OSBPL11: variants seen among roughly 807,000 people sequenced by gnomAD.
OSBPL11 encodes the protein oxysterol-binding protein-related protein 11.
OSBPL11 carries 33 observed loss-of-function variants against 84.4 expected under a neutral mutation model. The ratio of observed to expected loss-of-function variants is 0.39; its 90% CI spans 0.30 to 0.52. The LOEUF is 0.52. OSBPL11 is among the 20% of genes least tolerant of loss of function. The probability of loss-of-function intolerance (pLI) is 0.72; values close to 1 mark genes in which losing one functional copy is unlikely to be tolerated. For synonymous variants in OSBPL11, 276 were observed against 310.2 expected (o/e 0.89, Z 1.16); for missense variants, 736 against 901.1 (o/e 0.82, Z 2.35).
intron 8 of OSBPL11, among the ~76,000 whole-genome samples, chr3:125,557,789 T>C (rs1936012964): frequency 7.2e-6 from 1 of 138,942 alleles, no homozygotes; most frequent in Non-Finnish European, 1.5e-5. Context: ...ACATACAACT[T>C]TCTTTTTTTT....
In OSBPL11 at chr3:125,543,680, C is replaced by T. The variant is rs377090473; in HGVS notation, c.1841+3726G>A. On this transcript the variant is annotated intron_variant, in intron 10 of 12. Transcript: ENST00000296220. ...CTTTGAGAGGCCAAGGTGGGCAGAT[C>T]ACTTGAGGTCAGGAGTTCAAGACCA... Among the ~76,000 whole-genome samples, 7 of 152,044 alleles carry T rather than the reference C, an allele frequency of 4.6e-5. No individual in the cohort carries two copies. In the East Asian group the frequency reaches 1.4e-3, roughly 30 times the overall value.
chr3:125,559,925 G>A (rs1367305310), intron 8 of OSBPL11, among the ~76,000 whole-genome samples: 1 of 149,890 alleles, frequency 6.7e-6, no homozygotes, highest in Non-Finnish European at 1.5e-5. Flanking sequence ...ATACTGATCA[G>A]GAGACTAAAA....
At position 125,579,139 on chromosome 3, in the gene OSBPL11, T is replaced by A. The variant is rs1000794070; in HGVS notation, c.410-100A>T. On this transcript the variant is annotated intron_variant, in intron 3 of 12. Coordinates refer to ENST00000296220, the MANE Select transcript of OSBPL11 (RefSeq NM_022776.5). ...CAGATCACTGAAAAGCAGATACTGG[T>A]CTTACTCTCACTAGAGCAAACTTCC... 24 of 831,110 alleles carry A rather than the reference T, an allele frequency of 2.9e-5. No homozygotes were observed. In the Admixed American group the frequency reaches 3.2e-4, roughly 11 times the overall value. The allele number at this position is 831,110 out of a possible 1,614,324, so 51.5% of individuals were successfully genotyped here.
intron 2 of OSBPL11, among the ~76,000 whole-genome samples, chr3:125,582,276 A>C (rs1325613643): frequency 1.3e-5 from 2 of 151,984 alleles, no homozygotes; most frequent in Admixed American, 1.3e-4. Flanking sequence ...CAGAGGTTAC[A>C]GTGAGCCGAG....
At chr3:125,558,116 A>G (rs944125669) in intron 8 of OSBPL11, among the ~76,000 whole-genome samples, 17 of 152,198 alleles carry the variant, frequency 1.1e-4, no homozygotes, top group African/African-American at 3.9e-4. Context: ...TTAATCAACA[A>G]GGTACAAATG....
chr3:125,578,391 T>C (rs1936364171), intron 4 of OSBPL11, among the ~76,000 whole-genome samples: 1 of 152,138 alleles, frequency 6.6e-6, no homozygotes, highest in Non-Finnish European at 1.5e-5. Context: ...GAGTGACTGC[T>C]AGTGGCTCCG....
rs761732235 is a variant in OSBPL11 at position 125,594,737 on chromosome 3, G to A, written c.64C>T (p.Gln22Ter). The change falls in exon 1 of 13, where the codon CAG becomes TAG. Residue 22 changes from glutamine (Q) to a stop codon, truncating the protein, a stop_gained. Coordinates refer to ENST00000296220, the MANE Select transcript of OSBPL11 (RefSeq NM_022776.5). LOFTEE classifies it high-confidence loss of function. ...VSESEGKLEG[Q>*]ATAVTPNKNS... ...TTGTTCGGGGTCACCGCTGTGGCCT[G>A]GCCCTCCAGCTTTCCTTCGCTCTCC... 1.2e-6 allele frequency: 2 copies of A among 1,614,184 alleles called. No homozygotes were observed. Among genetic ancestry groups the A allele is most frequent in the South Asian group, 1.1e-5 (1 of 91,084 alleles).
intron 10 of OSBPL11, among the ~76,000 whole-genome samples, chr3:125,540,328 CAAAAAAAAAAAAAAA>C (rs201858368): frequency 1.9e-3 from 158 of 85,328 alleles, no homozygotes; most frequent in Admixed American, 2.4e-3. Flanking sequence ...GGCTCTGTCT[CAAAAAAAAAAAAAAA>C]AAAAAAAAAA....
rs1420514808 is a variant in OSBPL11, at chr3:125,529,420, CGTT to C, written c.*1092_*1094del. ...TTTTTTTCCTGATACCTTTTCATTTCGTTGTTTCTTTAGCATTTAAATTTCCTC... is the reference window on the plus strand; with the variant it reads ...TTTTTTTCCTGATACCTTTTCATTTCGTTTCTTTAGCATTTAAATTTCCTC... On this transcript the variant is annotated 3_prime_UTR_variant, in exon 13 of 13. Transcript: ENST00000296220. 1 of 148,880 alleles carries C rather than the reference CGTT, an allele frequency of 6.7e-6. No homozygotes were observed. Among genetic ancestry groups the C allele is most frequent in the Non-Finnish European group, 1.5e-5 (1 of 67,634 alleles). The allele number at this position is 148,880 out of a possible 1,614,324, so 9.2% of individuals were successfully genotyped here.
Position 125,547,540 on chromosome 3 carries a change from A to G in OSBPL11, c.1707T>C (p.Cys569=). ...CAGTCAAAATTGACCGAGCATATGC[A>G]CAGGGTAGAGAAAATGTGTACTCTT... ...HGEEYTFSLP[C]AYARSILTVP... is the part of the protein sequence containing the mutation. The change falls in exon 10 of 13, where the codon TGT becomes TGC. Residue 569 remains cysteine, a synonymous_variant. Coordinates refer to ENST00000296220, the MANE Select transcript of OSBPL11 (RefSeq NM_022776.5). 1 of 1,613,846 alleles carries G rather than the reference A, an allele frequency of 6.2e-7. No individual in the cohort carries two copies. The highest frequency in any genetic ancestry group is 8.5e-7 in the Non-Finnish European group (1 of 1,179,750).
At chr3:125,554,697 A>G (rs1433221733) in intron 8 of OSBPL11, among the ~76,000 whole-genome samples, 1 of 152,124 alleles carries the variant, frequency 6.6e-6, no homozygotes, top group South Asian at 2.1e-4. Flanking sequence ...ATATACATAC[A>G]AGAATGCTTT....
intron 1 of OSBPL11, among the ~76,000 whole-genome samples, chr3:125,589,178 G>A (rs756363181): frequency 1.3e-5 from 2 of 151,820 alleles, no homozygotes; most frequent in Admixed American, 6.6e-5. Context: ...GTGGAACCCC[G>A]TCTCTACCAA....
At chr3:125,559,250 C>T (rs1223796301) in intron 8 of OSBPL11, among the ~76,000 whole-genome samples, 1 of 152,126 alleles carries the variant, frequency 6.6e-6, no homozygotes, top group Non-Finnish European at 1.5e-5. Context: ...AGTGTCAATG[C>T]TTTTCATAGT....
At chr3:125,540,328 C>CAAAAAAAAAAAAAA (rs201858368) in intron 10 of OSBPL11, among the ~76,000 whole-genome samples, 23 of 85,334 alleles carry the variant, frequency 2.7e-4, no homozygotes, top group Non-Finnish European at 4.3e-4. Flanking sequence ...GGCTCTGTCT[C>CAAAAAAAAAAAAAA]AAAAAAAAAA....
intron 8 of OSBPL11, 36 bp from the exon 9 acceptor site, chr3:125,552,715 T>C: frequency 6.3e-7 from 1 of 1,586,548 alleles, no homozygotes; most frequent in Non-Finnish European, 8.6e-7. Flanking sequence ...GGAAATTTAA[T>C]CCATGTGTAG....
intron 5 of OSBPL11, among the ~76,000 whole-genome samples, chr3:125,569,938 G>T (rs1217665485): frequency 6.6e-6 from 1 of 152,162 alleles, no homozygotes; most frequent in African/African-American, 2.4e-5. Flanking sequence ...TGGCCCTAGG[G>T]TGCTCGTAAC....
At chr3:125,543,664 G>A (rs1410513206) in intron 10 of OSBPL11, among the ~76,000 whole-genome samples, 2 of 152,180 alleles carry the variant, frequency 1.3e-5, no homozygotes, top group South Asian at 4.1e-4. Context: ...ACTTTGAGAG[G>A]CCAAGGTGGG....
chr3:125,534,151 T>C lies in OSBPL11; in HGVS notation c.2025-2137A>G, dbSNP rs555082867. ...ATTCTAGCACTTTGGGAGGCCGACG[T>C]GAGTGGATCACTTGAGGTCAGGAGT... On this transcript the variant is annotated intron_variant, in intron 11 of 12. Coordinates refer to ENST00000296220, the MANE Select transcript of OSBPL11 (RefSeq NM_022776.5). Among the ~76,000 whole-genome samples, 3 of 152,154 alleles carry C rather than the reference T, an allele frequency of 2.0e-5. No individual in the cohort carries two copies. In the South Asian group the frequency reaches 6.2e-4, roughly 32 times the overall value.
rs746872592 is a variant in OSBPL11 at position 125,531,970 on chromosome 3, A to G, written c.2069T>C (p.Ile690Thr). 6.2e-7 allele frequency: 1 copy of G among 1,612,062 alleles called. No individual in the cohort carries two copies. The highest frequency in any genetic ancestry group is 1.7e-5 in the Admixed American group (1 of 59,374). Reference protein sequence around the residue: ...NVTDSLRESEIDKATEHKHTL... With the variant: ...NVTDSLRESETDKATEHKHTL... ...ATGCTTATGCTCTGTGGCCTTATCA[A>G]TTTCAGATTCTCTCAGCGAGTCTGT... is the stretch of plus-strand genomic sequence containing the variant. The change falls in exon 12 of 13, where the codon ATT (isoleucine) becomes ACT (threonine). Residue 690 changes from isoleucine to threonine, a missense_variant. By Grantham distance (89) the Ile-to-Thr change is moderately conservative. Around this residue, in one of 3 missense-constraint regions of OSBPL11, gnomAD observed 579 missense variants for 717.6 expected, o/e 0.81. Coordinates refer to ENST00000296220, the MANE Select transcript of OSBPL11 (RefSeq NM_022776.5).
Sources: gnomAD v4.1 joint callset for allele counts (sites outside exome capture counted in the v4.1 genomes callset) on GRCh38, gnomAD v4.1.1 for gene constraint, gnomAD v4.1.1 regional missense constraint, MANE v1.5 for transcripts, NCBI Gene and HGNC (gene_info 2026-07-23, HGNC 2026-07-21) for gene names.